The following SEMA4D variants were observed in gnomAD, a reference collection of about 807,000 sequenced individuals.
SEMA4D encodes semaphorin 4D.
Under a neutral mutation model 74.8 loss-of-function variants are expected in SEMA4D, and 22 were observed. The observed-to-expected ratio is 0.29, with a 90% confidence interval of 0.21 to 0.42. SEMA4D has a LOEUF of 0.42. Ranked by LOEUF, SEMA4D falls within the 10% of genes least tolerant of loss-of-function variation. SEMA4D has a pLI of 1.00. For missense variants in SEMA4D, 937 were observed against 1,118.4 expected (o/e 0.84, Z 2.31); for synonymous variants, 445 against 463.7 (o/e 0.96, Z 0.52).
intron 13 of SEMA4D, 37 bp downstream of exon 13, chr9:89,386,330 G>T (rs753506837): frequency 6.7e-7 from 1 of 1,494,200 alleles, no homozygotes; most frequent in Non-Finnish European, 9.3e-7. Flanking sequence ...GCCACCGAGC[G>T]GAGAAGCCCC....
At chr9:89,426,897 T>C (rs1280940543) in intron 2 of SEMA4D, among the ~76,000 whole-genome samples, 1 of 152,130 alleles carries the variant, frequency 6.6e-6, no homozygotes, top group Non-Finnish European at 1.5e-5. Context: ...AAATAGACAA[T>C]GTGACAACCA....
rs1273486637 is a variant in SEMA4D, at chr9:89,387,525, G to A, written c.1191C>T (p.His397=). 1 of 1,614,218 alleles carries A rather than the reference G, an allele frequency of 6.2e-7. No individual in the cohort carries two copies. The highest frequency in any genetic ancestry group is 8.5e-7 in the Non-Finnish European group (1 of 1,180,048). ...GGGTTACCGAGTCATCCATCAAAGG[G>A]TGGTCTTTAACGAACTGCAGCGTCT... The part of the protein sequence containing the change: ...PDKTLQFVKD[H]PLMDDSVTPI... Residue 397 remains histidine (H), a synonymous_variant, in exon 12 of 16, where the codon CAC becomes CAT. Transcript: ENST00000422704.
intron 1 of SEMA4D, among the ~76,000 whole-genome samples, chr9:89,461,717 TTTG>T (rs1471574246): frequency 2.2e-3 from 269 of 121,850 alleles, no homozygotes; most frequent in South Asian, 9.4e-3. Context: ...TTTTTTTTTT[TTTG>T]GAGACAGAGT....
chr9:89,465,959 G>C (rs1371577068), intron 1 of SEMA4D, among the ~76,000 whole-genome samples: 1 of 152,224 alleles, frequency 6.6e-6, no homozygotes, highest in Non-Finnish European at 1.5e-5. Context: ...GGTGTGTCTA[G>C]AGATGGTGTC....
chr9:89,449,327 A>C (rs1587976663), intron 2 of SEMA4D, among the ~76,000 whole-genome samples: 1 of 152,238 alleles, frequency 6.6e-6, no homozygotes, highest in African/African-American at 2.4e-5. Flanking sequence ...CCTGAGCAGG[A>C]GAGGAAGTCA....
At chr9:89,398,304 G>A (rs578028426) in intron 5 of SEMA4D, among the ~76,000 whole-genome samples, 82 of 152,296 alleles carry the variant, frequency 5.4e-4, no homozygotes, top group Middle Eastern at 3.4e-3. Flanking sequence ...TGACTTCAGA[G>A]GGATGGCTGG....
chr9:89,485,116 G>C (rs990867601), intron 1 of SEMA4D, among the ~76,000 whole-genome samples: 2 of 152,154 alleles, frequency 1.3e-5, no homozygotes, highest in African/African-American at 4.8e-5. Context: ...GCACCAAGGA[G>C]AAAACAGAAG....
In SEMA4D at chr9:89,455,032, CAGTTG is replaced by C. The variant is rs1481316236; in HGVS notation, c.-244+851_-244+855del. Among the ~76,000 whole-genome samples the C allele has an allele frequency of 2.0e-5, 3 of 152,392 alleles. No individual in the cohort carries two copies. In the East Asian group the frequency reaches 5.8e-4, roughly 29 times the overall value. On this transcript the variant is annotated intron_variant, in intron 2 of 15. Transcript: ENST00000422704. ...TGCAGGGCAGGCAGCCCGATCCCAA[CAGTTG>C]GGAGGGGGTGGGGACAGGGCCAGAG...
At chr9:89,379,710 G>A (rs1371276620) in intron 15 of SEMA4D, 81 bp from the exon 16 acceptor site, 23 of 1,462,390 alleles carry the variant, frequency 1.6e-5, no homozygotes, top group Non-Finnish European at 1.9e-5. Context: ...CCCACAAGAT[G>A]ACGCAAGAGT....
At chr9:89,434,256 G>C (rs1849908189) in intron 2 of SEMA4D, among the ~76,000 whole-genome samples, 1 of 152,122 alleles carries the variant, frequency 6.6e-6, no homozygotes, top group Non-Finnish European at 1.5e-5. Flanking sequence ...CACGCGTGTA[G>C]GTAGAGGAGG....
chr9:89,428,493 C>T (rs1848570281), intron 2 of SEMA4D, among the ~76,000 whole-genome samples: 1 of 152,170 alleles, frequency 6.6e-6, no homozygotes, highest in Non-Finnish European at 1.5e-5. Flanking sequence ...GATCTCAGGG[C>T]TACAAATAGC....
chr9:89,388,512 C>T (rs1839068943), intron 11 of SEMA4D, 124 bp downstream of exon 11: 1 of 1,205,250 alleles, frequency 8.3e-7, no homozygotes, highest in South Asian at 1.6e-5. Context: ...CGTCCCTGTC[C>T]CAATGCAGAG....
In SEMA4D at chr9:89,405,557, G is replaced by A; in HGVS notation, c.-101C>T. Reference sequence around the variant, plus strand: ...GATGCGGCTCAGCGCCCCAGGACCAGGGCCAGCAGCACAGCCTGGAGCTCG... The same window carrying A: ...GATGCGGCTCAGCGCCCCAGGACCAAGGCCAGCAGCACAGCCTGGAGCTCG... On this transcript the variant is annotated 5_prime_UTR_variant, in exon 3 of 16. Coordinates refer to ENST00000422704, the MANE Select transcript of SEMA4D (RefSeq NM_001371194.2). 1.3e-6 allele frequency: 2 copies of A among 1,532,122 alleles called. No homozygotes were observed. The highest frequency in any genetic ancestry group is 1.9e-5 in the Admixed American group (1 of 51,706). 94.9% of individuals were successfully genotyped at this position (1,532,122 alleles called of 1,614,324 possible).
chr9:89,390,001 A>G (rs923200101), intron 9 of SEMA4D, among the ~76,000 whole-genome samples: 12 of 151,882 alleles, frequency 7.9e-5, no homozygotes, highest in East Asian at 3.8e-4. Flanking sequence ...AAGTATGGGG[A>G]AAAAAAAGGG....
At chr9:89,379,981 GGAAGA>G (rs1836645417) in intron 15 of SEMA4D, among the ~76,000 whole-genome samples, 1 of 152,206 alleles carries the variant, frequency 6.6e-6, no homozygotes, top group African/African-American at 2.4e-5. Context: ...ATGGCTGCAA[GGAAGA>G]CTGGCCTTTC....
intron 2 of SEMA4D, chr9:89,449,879 A>G (rs1587980685): frequency 1.3e-6 from 2 of 1,495,816 alleles, no homozygotes; most frequent in East Asian, 4.5e-5. Context: ...ACTTGGTAAA[A>G]ATTGACCTTG....
intron 12 of SEMA4D, 34 bp downstream of exon 12, chr9:89,387,352 T>C: frequency 6.5e-7 from 1 of 1,543,546 alleles, no homozygotes; most frequent in African/African-American, 1.4e-5. Context: ...AGATGTGCTG[T>C]CACTGTCAAG....
chr9:89,384,187 A>G (rs1564554738), intron 13 of SEMA4D, among the ~76,000 whole-genome samples: 1 of 152,178 alleles, frequency 6.6e-6, no homozygotes, highest in Non-Finnish European at 1.5e-5. Context: ...GTATCTGCAC[A>G]CCCACGTTCA....
intron 12 of SEMA4D, chr9:89,386,870 G>T: frequency 4.5e-6 from 1 of 222,290 alleles, no homozygotes; most frequent in Non-Finnish European, 9.1e-6. Flanking sequence ...TGTGAGGTTG[G>T]CTGGGAGGCT....
Sources: gnomAD v4.1 joint callset for allele counts (sites outside exome capture counted in the v4.1 genomes callset) on GRCh38, gnomAD v4.1.1 for gene constraint, MANE v1.5 for transcripts, NCBI Gene and HGNC (gene_info 2026-07-23, HGNC 2026-07-21) for gene names.